Variants in CPXM2 observed in about 807,000 individuals in gnomAD.
CPXM2 encodes the protein carboxypeptidase X, M14 family member 2.
Under a neutral mutation model 86.1 loss-of-function variants are expected in CPXM2, and 66 were observed. That is an observed-to-expected ratio of 0.77 (90% CI 0.63 to 0.94). The LOEUF is 0.94. CPXM2 is among the 40% of genes least tolerant of loss of function. The pLI, the probability that CPXM2 is intolerant of heterozygous loss-of-function variation, is 0.00. For missense variants in CPXM2, 948 were observed against 1,026.3 expected (o/e 0.92, Z 1.04); for synonymous variants, 388 against 400.2 (o/e 0.97, Z 0.36).
intron 3 of CPXM2, among the ~76,000 whole-genome samples, chr10:123,842,815 G>C (rs1257246041): frequency 6.6e-6 from 1 of 152,196 alleles, no homozygotes; most frequent in Non-Finnish European, 1.5e-5. Context: ...ACCAGGTGCT[G>C]GGGACGCAAA....
Position 123,750,316 on chromosome 10 carries a change from C to A in CPXM2, c.2018-3299G>T, listed in dbSNP as rs1453947031. 3 of 984,136 alleles carry A rather than the reference C, an allele frequency of 3.0e-6. No individual in the cohort carries two copies. In the East Asian group the frequency reaches 3.4e-4, roughly 112 times the overall value. The allele number at this position is 984,136 out of a possible 1,614,324, so 61.0% of individuals were successfully genotyped here. On this transcript the variant is annotated intron_variant, in intron 13 of 13. Transcript: ENST00000241305. ...CTTAGAGCAAAACCCAACGCAGGTC[C>A]TGGGGGCCCCTTCCACATCATTGCA...
At chr10:123,796,012 C>T (rs866840882) in intron 6 of CPXM2, among the ~76,000 whole-genome samples, 1 of 152,146 alleles carries the variant, frequency 6.6e-6, no homozygotes, top group African/African-American at 2.4e-5. Flanking sequence ...AGCAAGACTC[C>T]TGGGCTGGCA....
chr10:123,862,593 T>C (rs758336470), intron 3 of CPXM2, 21 bp downstream of exon 3: 6 of 1,607,748 alleles, frequency 3.7e-6, no homozygotes, highest in Non-Finnish European at 5.1e-6. Context: ...TCAAAATCCT[T>C]CCAACCACAG....
intron 13 of CPXM2, chr10:123,750,279 A>G (rs1846046044): frequency 1.0e-6 from 1 of 985,418 alleles, no homozygotes; most frequent in Non-Finnish European, 1.2e-6. Context: ...CCATTCAGAT[A>G]AGGGCTCAGT....
At chr10:123,841,252 C>T (rs574301881) in intron 4 of CPXM2, among the ~76,000 whole-genome samples, 9 of 152,304 alleles carry the variant, frequency 5.9e-5, no homozygotes, top group Non-Finnish European at 1.3e-4. Flanking sequence ...GCTGGAGCCA[C>T]ACAACATCCC....
chr10:123,923,499 T>G (rs917662026), intron 2 of CPXM2, among the ~76,000 whole-genome samples: 4 of 149,512 alleles, frequency 2.7e-5, no homozygotes, highest in African/African-American at 5.0e-5. Context: ...GAGAATGGCG[T>G]GAACCCGGGA....
intron 2 of CPXM2, among the ~76,000 whole-genome samples, chr10:123,910,481 G>A (rs1473115682): frequency 6.6e-6 from 1 of 152,096 alleles, no homozygotes; most frequent in African/African-American, 2.4e-5. Flanking sequence ...GTTCCCAGGG[G>A]GAGTTCTCCT....
rs541916176 is a variant in CPXM2, at chr10:123,936,591, A to G, written n.174+2886T>C. Among the ~76,000 whole-genome samples, 9 of 152,366 alleles carry G rather than the reference A, an allele frequency of 5.9e-5. No homozygotes were observed. The South Asian group carries it at 1.9e-3, about 32-fold the overall frequency. ...CAAACCAAAGGAAAATGCAACTCCC[A>G]GAAGCCTTGCAAAGGAATGAAGGTC... On this transcript the variant is annotated intron_variant and non_coding_transcript_variant, in intron 2 of 19. Coordinates refer to the CPXM2 transcript ENST00000368854.
intron 2 of CPXM2, among the ~76,000 whole-genome samples, chr10:123,929,030 C>A (rs191344681): frequency 1.3e-5 from 2 of 152,190 alleles, no homozygotes; most frequent in Non-Finnish European, 1.5e-5. Flanking sequence ...ATAGCTGGTA[C>A]CTCTCCTAGG....
At chr10:123,839,040 A>C (rs1204756261) in intron 4 of CPXM2, among the ~76,000 whole-genome samples, 2 of 152,218 alleles carry the variant, frequency 1.3e-5, no homozygotes, top group Non-Finnish European at 2.9e-5. Context: ...AAGAATCTAT[A>C]CCTAAAAATA....
At chr10:123,793,869 T>C (rs1847264559) in intron 6 of CPXM2, among the ~76,000 whole-genome samples, 1 of 152,236 alleles carries the variant, frequency 6.6e-6, no homozygotes, top group African/African-American at 2.4e-5. Context: ...TCAATTTATG[T>C]ACAAAGTCTT....
intron 3 of CPXM2, among the ~76,000 whole-genome samples, chr10:123,860,561 A>G (rs1462861075): frequency 6.6e-6 from 1 of 152,262 alleles, no homozygotes; most frequent in Non-Finnish European, 1.5e-5. Flanking sequence ...AGCACAAATA[A>G]ATGTGAACAC....
chr10:123,835,264 A>C (rs562931863), intron 4 of CPXM2, among the ~76,000 whole-genome samples: 67 of 152,086 alleles, frequency 4.4e-4, no homozygotes, highest in Non-Finnish European at 8.4e-4. Flanking sequence ...ACACCTGGGG[A>C]ACAAGGACCC....
intron 6 of CPXM2, among the ~76,000 whole-genome samples, 170 bp from the exon 7 acceptor site, chr10:123,780,425 T>C (rs1344408779): frequency 6.6e-6 from 1 of 152,160 alleles, no homozygotes; most frequent in African/African-American, 2.4e-5. Context: ...GAGTCCAAAT[T>C]ACCCAGTGGT....
chr10:123,814,237 C>T (rs894928221), intron 4 of CPXM2, among the ~76,000 whole-genome samples: 17 of 152,296 alleles, frequency 1.1e-4, no homozygotes, highest in African/African-American at 3.6e-4. Context: ...AAGACAGACC[C>T]ACCCTTAATC....
At chr10:123,840,824 T>C (rs896880550) in intron 4 of CPXM2, among the ~76,000 whole-genome samples, 1 of 152,206 alleles carries the variant, frequency 6.6e-6, no homozygotes, top group Non-Finnish European at 1.5e-5. Flanking sequence ...GCAGGGACAA[T>C]GACAGGTGGT....
intron 12 of CPXM2, among the ~76,000 whole-genome samples, chr10:123,755,756 A>T (rs150678611): frequency 6.6e-6 from 1 of 152,218 alleles, no homozygotes; most frequent in Non-Finnish European, 1.5e-5. Flanking sequence ...GTGCCAATCC[A>T]AGGTGACATT....
chr10:123,847,377 T>G (rs1475927686), intron 3 of CPXM2, among the ~76,000 whole-genome samples: 1 of 152,058 alleles, frequency 6.6e-6, no homozygotes, highest in Non-Finnish European at 1.5e-5. Flanking sequence ...ATATAGAACA[T>G]TTGCCGAGTG....
intron 2 of CPXM2, among the ~76,000 whole-genome samples, chr10:123,869,064 C>A (rs1944847316): frequency 6.6e-6 from 1 of 151,888 alleles, no homozygotes; most frequent in African/African-American, 2.4e-5. Context: ...GGAGGAGAAG[C>A]AAGGTTTCAA....
Sources: allele counts gnomAD v4.1 joint callset (sites outside exome capture counted in the v4.1 genomes callset), GRCh38; gene constraint gnomAD v4.1.1; transcripts MANE v1.5; gene names NCBI Gene and HGNC (gene_info 2026-07-23, HGNC 2026-07-21).